VOPP1: variants seen among roughly 807,000 people sequenced by gnomAD.
VOPP1 encodes WW domain binding protein VOPP1.
In VOPP1, 8 loss-of-function variants were observed where a neutral mutation model predicts 23.5. That is an observed-to-expected ratio of 0.34 (90% CI 0.20 to 0.61). The LOEUF (loss-of-function observed/expected upper bound fraction) is 0.61. VOPP1 is among the 20% of genes least tolerant of loss of function. The pLI is 0.78. For missense variants in VOPP1, 174 were observed against 238.1 expected, an observed-to-expected ratio of 0.73 and a Z score of 1.77; for synonymous variants, 83 against 97.3, an observed-to-expected ratio of 0.85 and a Z score of 0.86.
intron 3 of VOPP1, among the ~76,000 whole-genome samples, chr7:55,495,548 G>T (rs1056372696): frequency 6.6e-5 from 10 of 152,152 alleles, no homozygotes; most frequent in African/African-American, 2.4e-4. Flanking sequence ...CCTCTCTGAC[G>T]ACCCAGTCAA....
At chr7:55,494,102 G>A (rs1200018310) in intron 3 of VOPP1, among the ~76,000 whole-genome samples, 4 of 152,174 alleles carry the variant, frequency 2.6e-5, no homozygotes, top group Admixed American at 6.5e-5. Context: ...CATGATGGGC[G>A]GAGGGAGCGG....
At chr7:55,525,718 C>T (rs1796143458) in intron 1 of VOPP1, among the ~76,000 whole-genome samples, 1 of 130,928 alleles carries the variant, frequency 7.6e-6, no homozygotes, top group Non-Finnish European at 1.6e-5. Context: ...AACAAAGGTT[C>T]TAAATATGTA....
chr7:55,531,497 G>A (rs1265373559), intron 1 of VOPP1, among the ~76,000 whole-genome samples: 6 of 152,016 alleles, frequency 3.9e-5, no homozygotes, highest in South Asian at 2.1e-4. Context: ...TTACAGGCAC[G>A]CGCCACCACA....
chr7:55,470,210 C>T (rs1722985), downstream of VOPP1, among the ~76,000 whole-genome samples: 135,424 of 152,196 alleles, frequency 0.89, 60,443 homozygotes, highest in African/African-American at 0.92. Context: ...CTCTAAAACA[C>T]AAAATAAAAT....
At chr7:55,443,553 C>CA (rs1180665960) in intron 4 of VOPP1, among the ~76,000 whole-genome samples, 3 of 150,642 alleles carry the variant, frequency 2.0e-5, no homozygotes, top group Non-Finnish European at 4.4e-5. Flanking sequence ...GACTCTGTCT[C>CA]AAAAAACAAA....
At chr7:55,555,344 T>G (rs1437607552) in intron 1 of VOPP1, among the ~76,000 whole-genome samples, 1 of 152,316 alleles carries the variant, frequency 6.6e-6, no homozygotes, top group Admixed American at 6.5e-5. Flanking sequence ...TCGCTCACTT[T>G]CAGCACTACC....
intron 4 of VOPP1, among the ~76,000 whole-genome samples, chr7:55,483,412 A>G (rs1484242185): frequency 6.6e-6 from 1 of 152,142 alleles, no homozygotes; most frequent in Non-Finnish European, 1.5e-5. Context: ...CAGAGGGGGA[A>G]TCTGAGTCAT....
At chr7:55,569,614 C>G (rs1798281981) in intron 1 of VOPP1, among the ~76,000 whole-genome samples, 2 of 152,158 alleles carry the variant, frequency 1.3e-5, no homozygotes, top group Non-Finnish European at 2.9e-5. Context: ...AAAGTAATTG[C>G]TAGCAGGATT....
At chr7:55,562,470 C>G (rs1416156926) in intron 1 of VOPP1, among the ~76,000 whole-genome samples, 1 of 152,220 alleles carries the variant, frequency 6.6e-6, no homozygotes, top group Non-Finnish European at 1.5e-5. Flanking sequence ...AGAAATTGTT[C>G]TGACACTTGT....
At chr7:55,483,905 T>C (rs1583873850) in intron 4 of VOPP1, among the ~76,000 whole-genome samples, 1 of 152,144 alleles carries the variant, frequency 6.6e-6, no homozygotes, top group African/African-American at 2.4e-5. Context: ...TACAGGCACA[T>C]GCCACCATGC....
At chr7:55,485,837 G>A (rs189478527) in intron 4 of VOPP1, among the ~76,000 whole-genome samples, 9 of 152,322 alleles carry the variant, frequency 5.9e-5, no homozygotes, top group Non-Finnish European at 7.3e-5. Context: ...TCCCTCATCC[G>A]CCCCTCGGAA....
At chr7:55,521,738 G>T (rs1795876214) in intron 1 of VOPP1, 1 of 985,758 alleles carries the variant, frequency 1.0e-6, no homozygotes, top group Non-Finnish European at 1.2e-6. Context: ...ACAGGGCAGG[G>T]CAGGGCAGGG....
chr7:55,571,556 G>A (rs761312816), intron 1 of VOPP1, among the ~76,000 whole-genome samples: 22 of 152,242 alleles, frequency 1.4e-4, no homozygotes, highest in Non-Finnish European at 2.8e-4. Flanking sequence ...GGCCCCATCC[G>A]AGGATGCAAT....
intron 4 of VOPP1, among the ~76,000 whole-genome samples, chr7:55,457,669 A>G (rs997316158): frequency 1.3e-5 from 2 of 151,560 alleles, no homozygotes; most frequent in South Asian, 2.1e-4. Flanking sequence ...GGGTAAGGTG[A>G]TATCTCATTG....
chr7:55,513,853 C>T (rs1795237881), intron 2 of VOPP1, among the ~76,000 whole-genome samples: 1 of 152,190 alleles, frequency 6.6e-6, no homozygotes, highest in Admixed American at 6.5e-5. Context: ...TCTAACCCAC[C>T]CTCAATTTTC....
chr7:55,505,539 C>T (rs890308801), intron 2 of VOPP1, among the ~76,000 whole-genome samples: 12 of 151,204 alleles, frequency 7.9e-5, no homozygotes, highest in African/African-American at 2.9e-4. Context: ...TGGAGCAGAT[C>T]GGTTTCAGCA....
intron 4 of VOPP1, among the ~76,000 whole-genome samples, chr7:55,443,517 G>A (rs960830027): frequency 2.6e-5 from 4 of 152,170 alleles, no homozygotes; most frequent in African/African-American, 7.2e-5. Flanking sequence ...TCACGCCACT[G>A]CGCTCCAGCC....
intron 4 of VOPP1, among the ~76,000 whole-genome samples, chr7:55,484,406 G>GATCT (rs1351079626): frequency 2.0e-5 from 3 of 152,106 alleles, no homozygotes; most frequent in Non-Finnish European, 2.9e-5. Flanking sequence ...TTTCCTTTAT[G>GATCT]ATCTCATCAC....
chr7:55,464,032 T>C (rs1017090961), intron 4 of VOPP1, among the ~76,000 whole-genome samples: 5 of 152,148 alleles, frequency 3.3e-5, no homozygotes, highest in East Asian at 3.9e-4. Context: ...CTGGGCAGTA[T>C]AGACCTATCC....
Sources: gnomAD v4.1 joint callset for allele counts (sites outside exome capture counted in the v4.1 genomes callset) on GRCh38, gnomAD v4.1.1 for gene constraint, MANE v1.5 for transcripts, NCBI Gene and HGNC (gene_info 2026-07-23, HGNC 2026-07-21) for gene names.